The following CLN6 variants were observed in gnomAD, a reference collection of about 807,000 sequenced individuals.
CLN6 encodes the protein ceroid-lipofuscinosis neuronal protein 6.
In CLN6, 22 loss-of-function variants were observed where a neutral mutation model predicts 33.3. That is an observed-to-expected ratio of 0.66 (90% CI 0.47 to 0.94). The LOEUF (loss-of-function observed/expected upper bound fraction) is 0.94. CLN6 is among the 40% of genes least tolerant of loss of function. The pLI is 0.00. For synonymous variants in CLN6, 201 were observed against 174.6 expected, an observed-to-expected ratio of 1.15 and a Z score of -1.19; for missense variants, 387 against 417.1, an observed-to-expected ratio of 0.93 and a Z score of 0.63.
At position 68,256,885 on chromosome 15, in the gene CLN6, G is replaced by A. The variant is rs978150516; in HGVS notation, c.-17C>T. The A allele has an allele frequency of 4.5e-6, 3 of 663,940 alleles. No individual in the cohort carries two copies. Among genetic ancestry groups the A allele is most frequent in the African/African-American group, 1.8e-5 (1 of 56,374 alleles). 41.1% of individuals were successfully genotyped at this position (663,940 alleles called of 1,614,324 possible). A position where few individuals can be genotyped will look rare whatever the true frequency, so the allele number is the denominator to read the frequency against. ...GGCTGCCATTTTCCGCCCAGGCAAGGTCCTGGGCGCGGCTCTGGGGAGGGT... is the reference window on the plus strand; with the variant it reads ...GGCTGCCATTTTCCGCCCAGGCAAGATCCTGGGCGCGGCTCTGGGGAGGGT... On this transcript the variant is annotated 5_prime_UTR_variant, in exon 1 of 7. Transcript: ENST00000538696. This position sits in a 1 kb window ranked among gnomAD's most constrained non-coding sequence, Gnocchi z 4.1.
At position 68,247,016 on chromosome 15, in the gene CLN6, C is replaced by T. The variant is rs1487393284; in HGVS notation, c.179+9674G>A. 5.3e-5 allele frequency among the ~76,000 whole-genome samples: 8 copies of T among 152,024 alleles called. No individual in the cohort carries two copies. The highest frequency in any genetic ancestry group is 1.4e-4 in the African/African-American group (6 of 41,410). On this transcript the variant is annotated intron_variant, in intron 1 of 6. Coordinates refer to the CLN6 transcript ENST00000538696. The surrounding 1 kb of genome is among the most constrained non-coding windows in gnomAD (Gnocchi z 4.2). The stretch of plus-strand genomic sequence containing the variant: ...ATTAAAAATACAAAAATTAGCCTGG[C>T]GTGGTGGTGCATGCCTGTAATCCCA...
Position 68,208,510 on chromosome 15 carries a change from A to G in CLN6, c.666-100T>C. ...GAGCCAGGCTGCCCTCCAGGCAGGC[A>G]GAAGAGTCCTCTGGTGCCAGGGCTC... On this transcript the variant is annotated intron_variant, in intron 6 of 6. Transcript: ENST00000249806. The surrounding 1 kb of genome is among the most constrained non-coding windows in gnomAD (Gnocchi z 5.8). The G allele has an allele frequency of 3.0e-6, 4 of 1,330,690 alleles. No homozygotes were observed. The highest frequency in any genetic ancestry group is 1.9e-5 in the Admixed American group (1 of 52,336). 82.4% of individuals were successfully genotyped at this position (1,330,690 alleles called of 1,614,324 possible).
chr15:68,225,638 T>A (rs981073228), intron 1 of CLN6, among the ~76,000 whole-genome samples: 2 of 152,172 alleles, frequency 1.3e-5, no homozygotes, highest in African/African-American at 4.8e-5. Context: ...AGGCATGTGC[T>A]GTCACACATG....
intron 1 of CLN6, among the ~76,000 whole-genome samples, chr15:68,235,587 A>AATAAATAAATAAATAT (rs1862434089): frequency 1.1e-5 from 1 of 95,088 alleles, no homozygotes; most frequent in African/African-American, 4.6e-5. Flanking sequence ...AATAAAAATA[A>AATAAATAAATAAATAT]ATATATATAT....
chr15:68,221,248 C>T (rs897681342), intron 1 of CLN6, among the ~76,000 whole-genome samples: 4 of 144,294 alleles, frequency 2.8e-5, no homozygotes, highest in Admixed American at 6.9e-5. Context: ...CCCTCTCCCT[C>T]GCTTCTTCCT....
At chr15:68,213,808 CA>C (rs2093212758) in intron 3 of CLN6, 1 of 175,884 alleles carries the variant, frequency 5.7e-6, no homozygotes, top group South Asian at 1.3e-4. Context: ...GCAAAGCCAG[CA>C]GTTCCTGCTA....
In CLN6 at chr15:68,208,255, G is replaced by T. The variant is rs202012876; in HGVS notation, c.821C>A (p.Ala274Glu). The T allele has an allele frequency of 1.9e-6, 3 of 1,614,060 alleles. No homozygotes were observed. The South Asian group carries it at 3.3e-5, about 18-fold the overall frequency. Residue 274 changes from alanine (A) to glutamate (E), a missense_variant, in exon 7 of 7, where the codon GCG becomes GAG. Coordinates refer to ENST00000249806, the MANE Select transcript of CLN6 (RefSeq NM_017882.3). This position sits in a 1 kb window ranked among gnomAD's most constrained non-coding sequence, Gnocchi z 5.8. ...SSFALTLLLVALWVAWLWNDP... is the reference protein window; with the variant it reads ...SSFALTLLLVELWVAWLWNDP... ...ATTCCACAGCCAGGCGACCCAGAGC[G>T]CCACAAGCAAGAGGGTCAGTGCGAA...
Position 68,207,842 on chromosome 15 carries a change from A to T in CLN6, c.*298T>A, listed in dbSNP as rs1252109514. 1 of 449,614 alleles carries T rather than the reference A, an allele frequency of 2.2e-6. No homozygotes were observed. Among genetic ancestry groups the T allele is most frequent in the East Asian group, 4.5e-5 (1 of 22,226 alleles). The allele number at this position is 449,614 out of a possible 1,614,324, so 27.9% of individuals were successfully genotyped here. A position where few individuals can be genotyped will look rare whatever the true frequency, so the allele number is the denominator to read the frequency against. On this transcript the variant is annotated 3_prime_UTR_variant, in exon 7 of 7. Coordinates refer to ENST00000249806, the MANE Select transcript of CLN6 (RefSeq NM_017882.3). ...CTGAGTAGGGAGTGTGGTCAGGTGC[A>T]GAGGAGGGCAGGGGCCCGGATCCTG...
At chr15:68,257,008 C>T in exon 1 of CLN6, 2 of 538,428 alleles carry the variant, frequency 3.7e-6, no homozygotes, top group Non-Finnish European at 6.7e-6. Flanking sequence ...AGGGACTGAG[C>T]GCGACTGACG....
At chr15:68,251,154 A>G (rs1485119115) in intron 1 of CLN6, among the ~76,000 whole-genome samples, 2 of 152,248 alleles carry the variant, frequency 1.3e-5, no homozygotes, top group East Asian at 3.8e-4. Context: ...CATCAAATCC[A>G]TAACTTTAGT....
At chr15:68,216,879 ACAGAGAATT>A (rs1229642353) in intron 2 of CLN6, among the ~76,000 whole-genome samples, 1 of 152,234 alleles carries the variant, frequency 6.6e-6, no homozygotes, top group Non-Finnish European at 1.5e-5. Context: ...TATTTATGTG[ACAGAGAATT>A]CAACCTTGTC....
At chr15:68,221,556 C>T in intron 1 of CLN6, among the ~76,000 whole-genome samples, 1 of 152,180 alleles carries the variant, frequency 6.6e-6, no homozygotes, top group Non-Finnish European at 1.5e-5. Context: ...GGCTGGAGTG[C>T]AGTGGCGTGA....
chr15:68,238,522 CA>C (rs1892249734), intron 1 of CLN6, among the ~76,000 whole-genome samples: 1 of 151,920 alleles, frequency 6.6e-6, no homozygotes. Flanking sequence ...TACAAAGAAA[CA>C]AAAACTATAT....
In CLN6 at chr15:68,256,328, A is replaced by G. The variant is rs1330852985; in HGVS notation, c.179+362T>C. Among the ~76,000 whole-genome samples, 2 of 151,384 alleles carry G rather than the reference A, an allele frequency of 1.3e-5. No homozygotes were observed. Among genetic ancestry groups the G allele is most frequent in the African/African-American group, 4.9e-5 (2 of 41,202 alleles). On this transcript the variant is annotated intron_variant, in intron 1 of 6. Coordinates refer to the CLN6 transcript ENST00000538696. This position sits in a 1 kb window ranked among gnomAD's most constrained non-coding sequence, Gnocchi z 4.1. ...TTCACTATGTTGGCCAGGCTGGTTG[A>G]GAACTCCTGACCTCAAGTGATCCGC...
chr15:68,226,786 C>T (rs2093253540), intron 1 of CLN6, among the ~76,000 whole-genome samples: 7 of 151,786 alleles, frequency 4.6e-5, no homozygotes, highest in Admixed American at 4.6e-4. Context: ...TCTCAAGGGT[C>T]GTGGTTTAAT....
Position 68,211,413 on chromosome 15 carries a change from C to T in CLN6, c.487-95G>A, listed in dbSNP as rs563851812. 1 of 1,541,824 alleles carries T rather than the reference C, an allele frequency of 6.5e-7. No individual in the cohort carries two copies. Among genetic ancestry groups the T allele is most frequent in the African/African-American group, 1.4e-5 (1 of 73,320 alleles). On this transcript the variant is annotated intron_variant, in intron 4 of 6. Coordinates refer to ENST00000249806, the MANE Select transcript of CLN6 (RefSeq NM_017882.3). This position sits in a 1 kb window ranked among gnomAD's most constrained non-coding sequence, Gnocchi z 5.9. ...AGCATCCCCTCTGACCACCCTTCTC[C>T]CAGTCCCAGGCCTCCCCCACTGCCT...
At position 68,241,534 on chromosome 15, in the gene CLN6, G is replaced by C. The variant is rs150925667; in HGVS notation, c.179+15156C>G. Among the ~76,000 whole-genome samples the C allele has an allele frequency of 2.6e-3, 399 of 152,022 alleles. 4 individuals carry two copies. The highest frequency in any genetic ancestry group is 9.1e-3 in the African/African-American group (377 of 41,548). On this transcript the variant is annotated intron_variant, in intron 1 of 6. Transcript: ENST00000538696. This position sits in a 1 kb window ranked among gnomAD's most constrained non-coding sequence, Gnocchi z 4.2. ...CACCATTGTGGGTTTCCTGGCAGGA[G>C]ACCTTGCCTCTGCCTCAACCCATGG... is the stretch of plus-strand genomic sequence containing the variant.
In CLN6 at chr15:68,210,040, G is replaced by A. The variant is rs982350623; in HGVS notation, c.543-281C>T. On this transcript the variant is annotated intron_variant, in intron 5 of 6. Coordinates refer to ENST00000249806, the MANE Select transcript of CLN6 (RefSeq NM_017882.3). This position sits in a 1 kb window ranked among gnomAD's most constrained non-coding sequence, Gnocchi z 5.6. ...CACTCCGTGGGGGTAAGGGGTGTCT[G>A]GGGGGTTGTCTGTCTCATGCACCGC... 2.0e-5 allele frequency among the ~76,000 whole-genome samples: 3 copies of A among 152,176 alleles called. No homozygotes were observed. The highest frequency in any genetic ancestry group is 4.4e-5 in the Non-Finnish European group (3 of 68,028).
rs889981877 is a variant in CLN6, at chr15:68,220,394, G to C, written c.84-1744C>G. On this transcript the variant is annotated intron_variant, in intron 1 of 6. Transcript: ENST00000249806. This position sits in a 1 kb window ranked among gnomAD's most constrained non-coding sequence, Gnocchi z 4.2. Reference sequence around the variant, plus strand: ...GCTGTGGCAACAATTCCTTTTGTCAGCCTATTTCCCACCCACTGCTTCTTC... The same window carrying C: ...GCTGTGGCAACAATTCCTTTTGTCACCCTATTTCCCACCCACTGCTTCTTC... Among the ~76,000 whole-genome samples the C allele has an allele frequency of 6.6e-6, 1 of 152,198 alleles. No homozygotes were observed. Among genetic ancestry groups the C allele is most frequent in the African/African-American group, 2.4e-5 (1 of 41,448 alleles).
Sources: allele counts gnomAD v4.1 joint callset (sites outside exome capture counted in the v4.1 genomes callset), GRCh38; gene constraint gnomAD v4.1.1; non-coding constraint Gnocchi (gnomAD v3.1); transcripts MANE v1.5; gene names NCBI Gene and HGNC (gene_info 2026-07-23, HGNC 2026-07-21).